The following MACROD2 variants were observed in gnomAD, a reference collection of about 807,000 sequenced individuals.
MACROD2 encodes the protein mono-ADP ribosylhydrolase 2, also known as ADP-ribose glycohydrolase MACROD2.
A neutral mutation model predicts 70.4 loss-of-function variants in MACROD2; 36 were observed. The ratio of observed to expected loss-of-function variants is 0.51; its 90% CI spans 0.39 to 0.68. MACROD2 has a LOEUF of 0.68. MACROD2 is among the 30% of genes least tolerant of loss of function. The pLI is 0.00. For missense variants in MACROD2, 496 were observed against 538.4 expected, an observed-to-expected ratio of 0.92 and a Z score of 0.78; for synonymous variants, 172 against 178.8, an observed-to-expected ratio of 0.96 and a Z score of 0.30.
At chr20:14,880,677 G>A (rs2073600964) in intron 5 of MACROD2, among the ~76,000 whole-genome samples, 1 of 152,180 alleles carries the variant, frequency 6.6e-6, no homozygotes, top group Non-Finnish European at 1.5e-5. Context: ...GCTGCAGTCA[G>A]CCTCCCTCTA....
chr20:14,485,753 G>A (rs1366892770), intron 3 of MACROD2, among the ~76,000 whole-genome samples: 1 of 150,808 alleles, frequency 6.6e-6, no homozygotes, highest in East Asian at 1.9e-4. Flanking sequence ...GAAGGGAATG[G>A]TAGATAAGAG....
intron 8 of MACROD2, among the ~76,000 whole-genome samples, chr20:15,589,710 C>G (rs1421657358): frequency 6.6e-6 from 1 of 152,246 alleles, no homozygotes; most frequent in Non-Finnish European, 1.5e-5. Flanking sequence ...CTGGCAACCA[C>G]TGATCTTTTT....
chr20:15,869,971 A>G (rs2064556763), intron 9 of MACROD2, among the ~76,000 whole-genome samples: 1 of 152,096 alleles, frequency 6.6e-6, no homozygotes, highest in Non-Finnish European at 1.5e-5. Context: ...AGCTTTGCAT[A>G]ATCATGATAA....
At chr20:14,322,461 A>G (rs2082673107) in intron 3 of MACROD2, among the ~76,000 whole-genome samples, 1 of 148,120 alleles carries the variant, frequency 6.8e-6, no homozygotes, top group South Asian at 2.1e-4. Context: ...CTTTATGGAG[A>G]CATCCAGTCC....
At chr20:14,329,777 AT>A (rs986172800) in intron 3 of MACROD2, among the ~76,000 whole-genome samples, 7 of 152,172 alleles carry the variant, frequency 4.6e-5, no homozygotes, top group African/African-American at 1.7e-4. Context: ...ACAATCCACA[AT>A]TTAGAGTTGA....
At chr20:14,544,487 T>G (rs1433341482) in intron 4 of MACROD2, among the ~76,000 whole-genome samples, 1 of 152,146 alleles carries the variant, frequency 6.6e-6, no homozygotes, top group Non-Finnish European at 1.5e-5. Flanking sequence ...AATTAAAATT[T>G]TAGTAGAATA....
At chr20:15,362,246 G>A (rs961685185) in intron 6 of MACROD2, among the ~76,000 whole-genome samples, 2 of 151,608 alleles carry the variant, frequency 1.3e-5, no homozygotes, top group South Asian at 2.1e-4. Context: ...CACCCACCCC[G>A]GCCTCCCAAA....
At chr20:15,706,134 A>C (rs909267365) in intron 8 of MACROD2, among the ~76,000 whole-genome samples, 1 of 152,264 alleles carries the variant, frequency 6.6e-6, no homozygotes, top group Non-Finnish European at 1.5e-5. Flanking sequence ...GCTCAGAGGA[A>C]ATAAGGATAC....
intron 6 of MACROD2, among the ~76,000 whole-genome samples, chr20:15,295,246 A>T (rs2077575433): frequency 6.6e-6 from 1 of 152,182 alleles, no homozygotes; most frequent in African/African-American, 2.4e-5. Context: ...TGGAACTGTG[A>T]GACCATTAAA....
At chr20:14,598,907 C>T (rs938357168) in intron 4 of MACROD2, among the ~76,000 whole-genome samples, 2 of 152,000 alleles carry the variant, frequency 1.3e-5, no homozygotes, top group African/African-American at 2.4e-5. Context: ...ATACTCGAAG[C>T]ACATCTTAAT....
At chr20:14,777,040 A>G (rs1568789784) in intron 5 of MACROD2, among the ~76,000 whole-genome samples, 1 of 152,068 alleles carries the variant, frequency 6.6e-6, no homozygotes, top group Non-Finnish European at 1.5e-5. Context: ...TTGTGTGACT[A>G]TACCACAATT....
intron 8 of MACROD2, among the ~76,000 whole-genome samples, chr20:15,656,928 AT>A (rs61481028): frequency 9.1e-4 from 138 of 152,272 alleles, no homozygotes; most frequent in Admixed American, 1.8e-3. Flanking sequence ...AAAAGTTTCT[AT>A]TTTTTAAGTA....
At chr20:14,502,966 G>T (rs1436131983) in intron 4 of MACROD2, among the ~76,000 whole-genome samples, 2 of 152,124 alleles carry the variant, frequency 1.3e-5, no homozygotes, top group East Asian at 3.9e-4. Flanking sequence ...TTATATACTA[G>T]AGTATGAGGA....
intron 5 of MACROD2, among the ~76,000 whole-genome samples, chr20:15,027,558 G>T (rs546280460): frequency 9.3e-4 from 79 of 85,404 alleles, no homozygotes; most frequent in African/African-American, 2.0e-3. Flanking sequence ...TGGTGGTGGT[G>T]GGGGGAAATA....
chr20:14,641,603 A>G (rs1286362207), intron 4 of MACROD2, among the ~76,000 whole-genome samples: 1 of 152,224 alleles, frequency 6.6e-6, no homozygotes, highest in Non-Finnish European at 1.5e-5. Flanking sequence ...TACAGAATGG[A>G]TGTTATGTTA....
chr20:14,936,591 G>T (rs569882528), intron 5 of MACROD2, among the ~76,000 whole-genome samples: 1 of 151,542 alleles, frequency 6.6e-6, no homozygotes, highest in African/African-American at 2.4e-5. Context: ...GCTGATCCAG[G>T]TTATATGGGA....
rs1029954299 is a variant in MACROD2 at position 14,385,450 on chromosome 20, G to A, written c.272-108029G>A. On this transcript the variant is annotated intron_variant, in intron 3 of 17. Transcript: ENST00000684519. ...TTCACAAATTTAAAAAAGTATCAAC[G>A]TCGGGCTATCCTATTCCTTTAATGG... Among the ~76,000 whole-genome samples, 8 of 152,060 alleles carry A rather than the reference G, an allele frequency of 5.3e-5. No homozygotes were observed. The East Asian group carries it at 1.3e-3, about 26-fold the overall frequency.
chr20:14,315,722 G>A (rs187064562), intron 3 of MACROD2, among the ~76,000 whole-genome samples: 13 of 152,272 alleles, frequency 8.5e-5, no homozygotes, highest in Admixed American at 5.9e-4. Context: ...AACCTGTAAA[G>A]TACTTACAGT....
chr20:14,477,715 T>C (rs2084613731), intron 3 of MACROD2, among the ~76,000 whole-genome samples: 1 of 152,184 alleles, frequency 6.6e-6, no homozygotes, highest in Admixed American at 6.5e-5. Flanking sequence ...TATATATTAA[T>C]TTTAATTTTA....
Sources: gnomAD v4.1 joint callset for allele counts (sites outside exome capture counted in the v4.1 genomes callset) on GRCh38, gnomAD v4.1.1 for gene constraint, MANE v1.5 for transcripts, NCBI Gene and HGNC (gene_info 2026-07-23, HGNC 2026-07-21) for gene names.